Variants in SH2D4A observed in about 807,000 individuals in gnomAD.
SH2D4A encodes SH2 domain-containing protein 4A.
In SH2D4A, 70 loss-of-function variants were observed where a neutral mutation model predicts 64.7. The observed-to-expected ratio is 1.08, with a 90% CI of 0.89 to 1.32. The LOEUF (loss-of-function observed/expected upper bound fraction) is 1.32, where lower values mean the gene tolerates loss of function less well. SH2D4A is among the 40% of genes most tolerant of loss of function. The pLI is 0.00. For synonymous variants in SH2D4A, 268 were observed against 200.7 expected, an observed-to-expected ratio of 1.34 and a Z score of -2.83; for missense variants, 706 against 540.1, an observed-to-expected ratio of 1.31 and a Z score of -3.04.
intron 4 of SH2D4A, among the ~76,000 whole-genome samples, chr8:19,351,448 A>G (rs192809508): frequency 1.8e-3 from 271 of 152,148 alleles, no homozygotes; most frequent in Non-Finnish European, 3.1e-3. Flanking sequence ...TTAAAAATAC[A>G]AAAAATTAGC....
chr8:19,378,953 A>C (rs1201123732), intron 8 of SH2D4A, among the ~76,000 whole-genome samples: 1 of 143,002 alleles, frequency 7.0e-6, no homozygotes, highest in Non-Finnish European at 1.6e-5. Flanking sequence ...ATGGCGGTGC[A>C]TGCCTGTAGT....
chr8:19,339,764 G>A lies in SH2D4A; in HGVS notation c.513+4907G>A, dbSNP rs551689684. On this transcript the variant is annotated intron_variant, in intron 4 of 9. Transcript: ENST00000265807. ...GATCCTCCCACCTCAGCCACCCAAA[G>A]TTCTGGGATTACAGGTGTAAGCCAC... Among the ~76,000 whole-genome samples the A allele has an allele frequency of 8.5e-5, 13 of 152,184 alleles. 1 individual carries two copies. The South Asian group carries it at 2.7e-3, about 32-fold the overall frequency.
chr8:19,335,250 TGCACTCCA>T lies in SH2D4A; in HGVS notation c.513+404_513+411del, dbSNP rs986993639. On this transcript the variant is annotated intron_variant, in intron 4 of 9. Transcript: ENST00000265807. The stretch of plus-strand genomic sequence containing the variant: ...TTGCAGTGAGCCGAGATTGCGACAC[TGCACTCCA>T]GCACTCCAGCCTGGGCGACAGAGCG... 9.2e-5 allele frequency among the ~76,000 whole-genome samples: 14 copies of T among 151,656 alleles called. No individual in the cohort carries two copies. In the East Asian group the frequency reaches 1.4e-3, roughly 15 times the overall value.
In SH2D4A at chr8:19,333,081, G is replaced by T. The variant is rs778282714; in HGVS notation, c.308G>T (p.Arg103Leu). Residue 103 changes from arginine (R) to leucine (L), a missense_variant, in exon 3 of 10, where the codon CGG becomes CTG. Physicochemically the swap from Arg to Leu is moderately radical, Grantham distance 102 (BLOSUM62 -2). Coordinates refer to ENST00000265807, the MANE Select transcript of SH2D4A (RefSeq NM_022071.4). ...LCNEIIAERA[R>L]LKAEQEAEEP... ...AATGAAATTATTGCTGAGAGGGCCC[G>T]GCTGAAAGCAGAACAGGAGGCAGAA... 4 of 1,613,748 alleles carry T rather than the reference G, an allele frequency of 2.5e-6. No individual in the cohort carries two copies. Among genetic ancestry groups the T allele is most frequent in the Non-Finnish European group, 2.5e-6 (3 of 1,179,952 alleles).
intron 8 of SH2D4A, among the ~76,000 whole-genome samples, chr8:19,386,378 A>C (rs1473080851): frequency 6.6e-6 from 1 of 152,176 alleles, no homozygotes; most frequent in African/African-American, 2.4e-5. Context: ...CTTTTCTCAT[A>C]AATTAGTGCA....
In SH2D4A at chr8:19,376,624, AAAT is replaced by A. The variant is rs966766380; in HGVS notation, c.1048+2976_1048+2978del. On this transcript the variant is annotated intron_variant, in intron 8 of 9. Transcript: ENST00000265807. ...GGCAACAGAGTGCTACTCTGTCTCAAAATAATAATAATAAAATATAAAACAAAT... is the reference window on the plus strand; with the variant it reads ...GGCAACAGAGTGCTACTCTGTCTCAAAATAATAATAAAATATAAAACAAAT... 4.9e-4 allele frequency among the ~76,000 whole-genome samples: 75 copies of A among 152,176 alleles called. 1 individual carries two copies. Among genetic ancestry groups the A allele is most frequent in the Non-Finnish European group, 7.4e-5 (5 of 67,996 alleles).
intron 2 of SH2D4A, among the ~76,000 whole-genome samples, chr8:19,331,418 A>T (rs2052363542): frequency 6.6e-6 from 1 of 152,156 alleles, no homozygotes. Flanking sequence ...TTTGGCCCAC[A>T]GTTGCCCTGG....
chr8:19,361,134 G>C, intron 5 of SH2D4A, 69 bp from the exon 6 acceptor site: 1 of 866,138 alleles, frequency 1.2e-6, no homozygotes, highest in Non-Finnish European at 1.7e-6. Context: ...GAAACTGCTG[G>C]ATTTGCTCAC....
chr8:19,364,598 C>T (rs759154696), intron 7 of SH2D4A, among the ~76,000 whole-genome samples: 2 of 152,106 alleles, frequency 1.3e-5, no homozygotes, highest in East Asian at 1.9e-4. Context: ...CCCCTCCCCC[C>T]CAGAGGCAGC....
At chr8:19,375,047 TTC>T (rs1490399724) in intron 8 of SH2D4A, 2 of 152,154 alleles carry the variant, frequency 1.3e-5, no homozygotes, top group Admixed American at 6.5e-5. Context: ...TAACAGGCAG[TTC>T]TGTTTGAAAG....
Position 19,313,767 on chromosome 8 carries a change from C to T in SH2D4A, c.-261C>T. On this transcript the variant is annotated 5_prime_UTR_variant, in exon 1 of 10. Transcript: ENST00000265807. ...CCCTCCCTTCCCCGACGGCTTCTGG[C>T]GGCCAAGTGGATGTGGCGGGTGATC... 1.3e-6 allele frequency: 2 copies of T among 1,509,990 alleles called. No homozygotes were observed. Among genetic ancestry groups the T allele is most frequent in the South Asian group, 1.2e-5 (1 of 82,430 alleles). 93.5% of individuals were successfully genotyped at this position (1,509,990 alleles called of 1,614,324 possible).
chr8:19,332,914 T>C (rs2052386196), intron 2 of SH2D4A, 41 bp from the exon 3 acceptor site: 4 of 1,595,536 alleles, frequency 2.5e-6, no homozygotes, highest in African/African-American at 2.7e-5. Flanking sequence ...ACTAAAGATA[T>C]TTGTTCAATC....
intron 8 of SH2D4A, among the ~76,000 whole-genome samples, chr8:19,386,876 C>G (rs2053402276): frequency 6.6e-6 from 1 of 152,192 alleles, no homozygotes; most frequent in Admixed American, 6.5e-5. Flanking sequence ...ACTGTCTGGG[C>G]TCAGGTGATT....
chr8:19,369,518 A>G (rs750041057), intron 7 of SH2D4A, among the ~76,000 whole-genome samples: 3 of 151,948 alleles, frequency 2.0e-5, no homozygotes, highest in Non-Finnish European at 2.9e-5. Context: ...GTTAGTCATT[A>G]TTGGTCTGTT....
chr8:19,385,888 A>G (rs1206769168), intron 8 of SH2D4A, among the ~76,000 whole-genome samples: 1 of 152,200 alleles, frequency 6.6e-6, no homozygotes, highest in Non-Finnish European at 1.5e-5. Context: ...GGGGCTATCA[A>G]TATTCTGCCC....
At chr8:19,353,759 G>A (rs1261719462) in intron 4 of SH2D4A, among the ~76,000 whole-genome samples, 6 of 141,130 alleles carry the variant, frequency 4.3e-5, no homozygotes, top group African/African-American at 1.6e-4. Context: ...TCATGGATTT[G>A]TAGAACGTGT....
At chr8:19,326,773 G>A (rs1241500740) in intron 2 of SH2D4A, among the ~76,000 whole-genome samples, 1 of 152,100 alleles carries the variant, frequency 6.6e-6, no homozygotes, top group Non-Finnish European at 1.5e-5. Flanking sequence ...TGGGGGTGGA[G>A]ACCAAGAGCT....
At chr8:19,387,501 A>C (rs2053410413) in intron 8 of SH2D4A, among the ~76,000 whole-genome samples, 1 of 152,240 alleles carries the variant, frequency 6.6e-6, no homozygotes, top group Non-Finnish European at 1.5e-5. Context: ...CAGCCTCCCA[A>C]AGTGCTGGGA....
intron 7 of SH2D4A, among the ~76,000 whole-genome samples, chr8:19,370,265 T>C (rs1295551678): frequency 6.6e-6 from 1 of 152,050 alleles, no homozygotes; most frequent in Admixed American, 6.6e-5. Context: ...AATTGTCTGT[T>C]AGGTACATTC....
Sources: allele counts gnomAD v4.1 joint callset (sites outside exome capture counted in the v4.1 genomes callset), GRCh38; gene constraint gnomAD v4.1.1; transcripts MANE v1.5; gene names NCBI Gene and HGNC (gene_info 2026-07-23, HGNC 2026-07-21).